DCUN1D1: variants seen among roughly 807,000 people sequenced by gnomAD.
The protein encoded by DCUN1D1 is DCN1-like protein 1.
In DCUN1D1, 3 loss-of-function variants were observed where a neutral mutation model predicts 39.0. That is an observed-to-expected ratio of 0.08 (90% CI 0.04 to 0.20). The LOEUF (loss-of-function observed/expected upper bound fraction) is 0.20. DCUN1D1 is among the 10% of genes least tolerant of loss of function. The pLI is 1.00. For missense variants in DCUN1D1, 158 were observed against 302.4 expected (o/e 0.52, Z 3.54); for synonymous variants, 82 against 96.3 (o/e 0.85, Z 0.87).
chr3:182,947,510 T>C, intron 5 of DCUN1D1, 40 bp downstream of exon 5: 1 of 1,298,922 alleles, frequency 7.7e-7, no homozygotes, highest in Non-Finnish European at 1.1e-6. Flanking sequence ...CATAGCAGAA[T>C]TTGAGAAAAC....
At chr3:182,972,153 T>C (rs543440282) in intron 1 of DCUN1D1, among the ~76,000 whole-genome samples, 2 of 149,468 alleles carry the variant, frequency 1.3e-5, no homozygotes, top group African/African-American at 4.9e-5. Flanking sequence ...AATGTATTTA[T>C]AGTCCTGTCA....
chr3:182,984,480 G>A (rs544678007), upstream of DCUN1D1, among the ~76,000 whole-genome samples: 6 of 152,030 alleles, frequency 3.9e-5, no homozygotes, highest in Admixed American at 1.3e-4. Flanking sequence ...GTTTTTTCAA[G>A]TACAGGAGTT....
chr3:182,943,142 TG>T lies in DCUN1D1; in HGVS notation c.*1951del, dbSNP rs1333457564. 1.0e-5 allele frequency: 1 copy of T among 100,062 alleles called. No individual in the cohort carries two copies. Among genetic ancestry groups the T allele is most frequent in the Non-Finnish European group, 1.9e-5 (1 of 51,440 alleles). The allele number at this position is 100,062 out of a possible 1,614,324, so 6.2% of individuals were successfully genotyped here. A position where few individuals can be genotyped will look rare whatever the true frequency, so the allele number is the denominator to read the frequency against. ...AAAAAAAAAAAAAAAAAAAAGCTAA[TG>T]GGATCTCATTTCAAAACACAGCATA... On this transcript the variant is annotated 3_prime_UTR_variant, in exon 7 of 7. Transcript: ENST00000292782.
intron 4 of DCUN1D1, chr3:182,956,388 C>T (rs2108637777): frequency 4.6e-6 from 1 of 215,762 alleles, no homozygotes; most frequent in Non-Finnish European, 9.9e-6. Context: ...CTACGGCTAA[C>T]ACAAAATAAC....
chr3:182,954,574 A>C (rs1726930503), intron 4 of DCUN1D1, among the ~76,000 whole-genome samples: 1 of 152,146 alleles, frequency 6.6e-6, no homozygotes, highest in South Asian at 2.1e-4. Context: ...AATTATCTAT[A>C]TAAATTCTAT....
At chr3:182,977,794 C>T (rs1040142402) in intron 1 of DCUN1D1, among the ~76,000 whole-genome samples, 3 of 151,918 alleles carry the variant, frequency 2.0e-5, no homozygotes, top group Non-Finnish European at 4.4e-5. Flanking sequence ...AATCCTAGCA[C>T]CTTGGGCGGC....
rs576937356 is a variant in DCUN1D1 at position 182,978,598 on chromosome 3, C to T, written c.3+1889G>A. On this transcript the variant is annotated intron_variant, in intron 1 of 6. Coordinates refer to ENST00000292782, the MANE Select transcript of DCUN1D1 (RefSeq NM_020640.4). The stretch of plus-strand genomic sequence containing the variant: ...ATGTTGCGCAGGCTGGTCTCAAACT[C>T]CTAGGCTCTCAAGCAATCCTCCTGC... Among the ~76,000 whole-genome samples the T allele has an allele frequency of 4.4e-4, 67 of 152,272 alleles. No individual in the cohort carries two copies. In the South Asian group the frequency reaches 6.8e-3, roughly 16 times the overall value.
At chr3:182,967,128 C>CTATATA (rs60339329) in intron 1 of DCUN1D1, among the ~76,000 whole-genome samples, 145 of 143,558 alleles carry the variant, frequency 1.0e-3, no homozygotes, top group Middle Eastern at 7.1e-3. Flanking sequence ...AACAAAAAAA[C>CTATATA]TATATATATA....
At chr3:182,974,806 A>C (rs1560181853) in intron 1 of DCUN1D1, among the ~76,000 whole-genome samples, 1 of 151,778 alleles carries the variant, frequency 6.6e-6, no homozygotes, top group Non-Finnish European at 1.5e-5. Flanking sequence ...CAAGCAGCCT[A>C]ATCACTCTCA....
chr3:182,959,401 ATC>A (rs1204596594), intron 4 of DCUN1D1, among the ~76,000 whole-genome samples: 4 of 148,360 alleles, frequency 2.7e-5, no homozygotes, highest in Non-Finnish European at 4.4e-5. Flanking sequence ...CGTTCATATA[ATC>A]TGTTTCTCAA....
At chr3:182,985,415 G>T (rs1375159613), upstream of DCUN1D1, 3 of 152,418 alleles carry the variant, frequency 2.0e-5, no homozygotes, top group Non-Finnish European at 2.9e-5. Context: ...GATCACCTGA[G>T]GTCGGGAGTT....
intron 4 of DCUN1D1, among the ~76,000 whole-genome samples, chr3:182,951,634 A>C (rs1415263520): frequency 6.7e-5 from 10 of 148,302 alleles, no homozygotes; most frequent in Non-Finnish European, 3.0e-5. Context: ...AAAAAAAAAA[A>C]AAAAAAAAAA....
upstream of DCUN1D1, among the ~76,000 whole-genome samples, chr3:182,982,934 G>A (rs539636648): frequency 2.0e-4 from 31 of 152,232 alleles, no homozygotes; most frequent in African/African-American, 6.7e-4. Flanking sequence ...GTGAGCCACC[G>A]CGCCTGGCCA....
upstream of DCUN1D1, among the ~76,000 whole-genome samples, chr3:182,985,258 G>A (rs953364743): frequency 6.6e-6 from 1 of 152,186 alleles, no homozygotes; most frequent in African/African-American, 2.4e-5. Flanking sequence ...AGAAGCAGAA[G>A]AACCTTTTGG....
At chr3:182,950,497 A>C (rs1258447190) in intron 4 of DCUN1D1, among the ~76,000 whole-genome samples, 1 of 151,836 alleles carries the variant, frequency 6.6e-6, no homozygotes. Context: ...TTTTTGACCA[A>C]TCAAAATAGG....
chr3:182,971,877 A>C (rs530886869), intron 1 of DCUN1D1, among the ~76,000 whole-genome samples: 3 of 152,278 alleles, frequency 2.0e-5, no homozygotes, highest in African/African-American at 7.2e-5. Flanking sequence ...AAAGGGCAAA[A>C]GTGCAACCAC....
At chr3:182,956,678 A>C (rs1167919136) in intron 4 of DCUN1D1, among the ~76,000 whole-genome samples, 1 of 152,270 alleles carries the variant, frequency 6.6e-6, no homozygotes, top group Non-Finnish European at 1.5e-5. Flanking sequence ...TAATGTTCAA[A>C]TCATTTAAAT....
At chr3:182,969,444 A>G (rs1409665444) in intron 1 of DCUN1D1, among the ~76,000 whole-genome samples, 1 of 152,214 alleles carries the variant, frequency 6.6e-6, no homozygotes, top group Non-Finnish European at 1.5e-5. Context: ...GAGGTGGAAG[A>G]AAAAACAGAT....
At position 182,941,753 on chromosome 3, in the gene DCUN1D1, G is replaced by T. The variant is rs1287088307; in HGVS notation, c.*3341C>A. 6.6e-6 allele frequency: 1 copy of T among 152,036 alleles called. No individual in the cohort carries two copies. The highest frequency in any genetic ancestry group is 2.4e-5 in the African/African-American group (1 of 41,422). The allele number at this position is 152,036 out of a possible 1,614,324, so 9.4% of individuals were successfully genotyped here. The stretch of plus-strand genomic sequence containing the variant: ...CATAAATTAATTCTTGCTAAAAGTT[G>T]ATTCAGTTTTACAAAGGCATACTTT... On this transcript the variant is annotated 3_prime_UTR_variant, in exon 7 of 7. Transcript: ENST00000292782.
Sources: allele counts gnomAD v4.1 joint callset (sites outside exome capture counted in the v4.1 genomes callset), GRCh38; gene constraint gnomAD v4.1.1; transcripts MANE v1.5; gene names NCBI Gene and HGNC (gene_info 2026-07-23, HGNC 2026-07-21).